Variants in TGFB2 observed in about 807,000 individuals in gnomAD.
TGFB2 encodes the protein transforming growth factor beta 2.
TGFB2 carries 13 observed loss-of-function variants against 42.7 expected under a neutral mutation model. That is an observed-to-expected ratio of 0.30 (90% CI 0.20 to 0.48). The LOEUF is 0.48. Ranked by LOEUF, TGFB2 falls within the 20% of genes least tolerant of loss-of-function variation. TGFB2 has a pLI of 0.99. For synonymous variants in TGFB2, 193 were observed against 193.6 expected (o/e 1.00, Z 0.03); for missense variants, 390 against 517.5 (o/e 0.75, Z 2.39).
At chr1:218,374,319 G>A (rs10482747) in intron 1 of TGFB2, among the ~76,000 whole-genome samples, 3 of 152,178 alleles carry the variant, frequency 2.0e-5, no homozygotes, top group Non-Finnish European at 4.4e-5. Context: ...ACTTATGAAG[G>A]AATGTTACAT....
chr1:218,367,798 T>A (rs1038223127), intron 1 of TGFB2, among the ~76,000 whole-genome samples: 1 of 152,286 alleles, frequency 6.6e-6, no homozygotes, highest in South Asian at 2.1e-4. Flanking sequence ...GTTCATTTTT[T>A]TTCTTCTTCT....
chr1:218,357,546 C>A (rs946982565), intron 1 of TGFB2, among the ~76,000 whole-genome samples: 6 of 152,208 alleles, frequency 3.9e-5, no homozygotes, highest in African/African-American at 1.2e-4. Flanking sequence ...CGGGACCATC[C>A]CTTCATTCTC....
At chr1:218,395,770 C>T (rs1202990522) in intron 1 of TGFB2, among the ~76,000 whole-genome samples, 1 of 152,030 alleles carries the variant, frequency 6.6e-6, no homozygotes, top group Non-Finnish European at 1.5e-5. Flanking sequence ...TGCCACCACA[C>T]CTGGCTAATT....
rs1571819440 is a variant in TGFB2 at position 218,345,991 on chromosome 1, G to C, written c.-711G>C. ...CCCCTGCGGCACCCGACCGAGTACC[G>C]AGCGCCCTGCGAAGCGCACCCTCCT... On this transcript the variant is annotated 5_prime_UTR_variant, in exon 1 of 7. Transcript: ENST00000366930. Among the ~76,000 whole-genome samples, 2 of 151,424 alleles carry C rather than the reference G, an allele frequency of 1.3e-5. No individual in the cohort carries two copies. Among genetic ancestry groups the C allele is most frequent in the Admixed American group, 1.3e-4 (2 of 15,238 alleles).
chr1:218,349,984 G>A (rs897697951), intron 1 of TGFB2, among the ~76,000 whole-genome samples: 66 of 152,180 alleles, frequency 4.3e-4, no homozygotes, highest in African/African-American at 1.5e-3. Context: ...TTTAAGACTC[G>A]AAGTGGAGTT....
At chr1:218,383,709 G>T (rs1006962452) in intron 1 of TGFB2, among the ~76,000 whole-genome samples, 2 of 152,164 alleles carry the variant, frequency 1.3e-5, no homozygotes, top group Admixed American at 6.5e-5. Flanking sequence ...GCTACGTGGC[G>T]AAGGACTTGC....
Position 218,437,503 on chromosome 1 carries a change from G to A in TGFB2, c.1086+7G>A. ...AGACACTCAGCACAGCAGGGTGAGTGTTCAGCTTACCTGTTGCCTCTGTTC... is the reference window on the plus strand; with the variant it reads ...AGACACTCAGCACAGCAGGGTGAGTATTCAGCTTACCTGTTGCCTCTGTTC... On this transcript the variant is annotated splice_region_variant and intron_variant, in intron 6 of 6. Transcript: ENST00000366930. 1.2e-6 allele frequency: 2 copies of A among 1,605,424 alleles called. No individual in the cohort carries two copies. The highest frequency in any genetic ancestry group is 1.1e-5 in the South Asian group (1 of 88,776).
rs551656818 is a variant in TGFB2, at chr1:218,362,756, A to G, written c.346+15709A>G. Among the ~76,000 whole-genome samples the G allele has an allele frequency of 3.3e-5, 5 of 152,330 alleles. No homozygotes were observed. In the East Asian group the frequency reaches 5.8e-4, roughly 18 times the overall value. On this transcript the variant is annotated intron_variant, in intron 1 of 6. Transcript: ENST00000366930. ...GAAGTTCAAATTTTCCAGATGTAAT[A>G]ACTATTGTGGAAGATGCGTTTAGTC...
At chr1:218,419,828 TAAC>T (rs1486771233) in intron 2 of TGFB2, among the ~76,000 whole-genome samples, 7 of 152,200 alleles carry the variant, frequency 4.6e-5, no homozygotes, top group Non-Finnish European at 1.0e-4. Flanking sequence ...TAATAGATAA[TAAC>T]CATGTAGGTA....
At chr1:218,394,161 G>A (rs1041274939) in intron 1 of TGFB2, among the ~76,000 whole-genome samples, 5 of 151,966 alleles carry the variant, frequency 3.3e-5, no homozygotes, top group African/African-American at 7.3e-5. Flanking sequence ...CGCCCGCCTC[G>A]GCCTCCCAAA....
At chr1:218,424,440 T>A (rs1407073918) in intron 2 of TGFB2, among the ~76,000 whole-genome samples, 1 of 152,238 alleles carries the variant, frequency 6.6e-6, no homozygotes, top group East Asian at 1.9e-4. Context: ...GCTACAGCAG[T>A]GGTTCTCAGA....
At chr1:218,386,269 G>A (rs77620595) in intron 1 of TGFB2, among the ~76,000 whole-genome samples, 2,922 of 152,226 alleles carry the variant, frequency 0.019, 60 homozygotes, top group East Asian at 0.095. Context: ...CTTGCCTGCT[G>A]GAAACCTCAG....
At chr1:218,437,633 A>G (rs1660015033) in intron 6 of TGFB2, 137 bp downstream of exon 6, 1 of 959,062 alleles carries the variant, frequency 1.0e-6, no homozygotes, top group Admixed American at 3.9e-5. Context: ...AAAATCTTTC[A>G]TTAGGTTGGT....
intron 1 of TGFB2, among the ~76,000 whole-genome samples, chr1:218,355,581 C>CGGCTT (rs1241780833): frequency 1.3e-5 from 2 of 152,162 alleles, no homozygotes; most frequent in Admixed American, 1.3e-4. Flanking sequence ...CTGCCACTGT[C>CGGCTT]GGCTTTGCAG....
chr1:218,374,314 T>C (rs1015839636), intron 1 of TGFB2, among the ~76,000 whole-genome samples: 3 of 152,226 alleles, frequency 2.0e-5, no homozygotes, highest in Admixed American at 6.5e-5. Context: ...CCCATACTTA[T>C]GAAGGAATGT....
At chr1:218,365,898 G>A (rs370298459) in intron 1 of TGFB2, among the ~76,000 whole-genome samples, 2 of 152,166 alleles carry the variant, frequency 1.3e-5, no homozygotes, top group East Asian at 3.9e-4. Context: ...TGAAGTGAGC[G>A]TGAGGCCTGT....
intron 1 of TGFB2, among the ~76,000 whole-genome samples, chr1:218,402,348 A>C (rs1182265117): frequency 2.6e-5 from 4 of 152,242 alleles, no homozygotes; most frequent in Non-Finnish European, 5.9e-5. Context: ...AATGTATAGG[A>C]AGCCCAGCTG....
At chr1:218,353,969 A>G (rs1222259253) in intron 1 of TGFB2, among the ~76,000 whole-genome samples, 2 of 152,126 alleles carry the variant, frequency 1.3e-5, no homozygotes, top group East Asian at 3.9e-4. Flanking sequence ...TGATTGTCCT[A>G]GTCTTATTTA....
At position 218,442,506 on chromosome 1, in the gene TGFB2, C is replaced by G. The variant is rs1287108804; in HGVS notation, c.*1144C>G. 6.6e-6 allele frequency: 1 copy of G among 151,996 alleles called. No individual in the cohort carries two copies. The highest frequency in any genetic ancestry group is 1.5e-5 in the Non-Finnish European group (1 of 67,962). 9.4% of individuals were successfully genotyped at this position (151,996 alleles called of 1,614,324 possible). A position where few individuals can be genotyped will look rare whatever the true frequency, so the allele number is the denominator to read the frequency against. On this transcript the variant is annotated 3_prime_UTR_variant, in exon 7 of 7. Transcript: ENST00000366930. ...TTAAATTTGGGCTCTTTTTAATGAT[C>G]ACTCACAAATGTATGTTTCTTTTAG...
Sources: gnomAD v4.1 joint callset for allele counts (sites outside exome capture counted in the v4.1 genomes callset) on GRCh38, gnomAD v4.1.1 for gene constraint, MANE v1.5 for transcripts, NCBI Gene and HGNC (gene_info 2026-07-23, HGNC 2026-07-21) for gene names.